The following NCOA1 variants were observed in gnomAD, a reference collection of about 807,000 sequenced individuals.
NCOA1 encodes the protein nuclear receptor coactivator 1.
In NCOA1, 35 loss-of-function variants were observed where a neutral mutation model predicts 150.9. The observed-to-expected ratio is 0.23, with a 90% CI of 0.18 to 0.31. NCOA1 has a LOEUF of 0.31. Among genes scored for constraint, NCOA1 ranks in the 10% least tolerant of loss-of-function variants. The pLI is 1.00. For missense variants in NCOA1, 1,491 were observed against 1,749.3 expected, an observed-to-expected ratio of 0.85 and a Z score of 2.63; for synonymous variants, 590 against 630.0, an observed-to-expected ratio of 0.94 and a Z score of 0.95.
intron 2 of NCOA1, among the ~76,000 whole-genome samples, chr2:24,568,957 T>C (rs1666622138): frequency 6.6e-6 from 1 of 152,238 alleles, no homozygotes; most frequent in African/African-American, 2.4e-5. Context: ...TGTTGTTTTT[T>C]TAAGCCATTA....
chr2:24,683,835 T>C (rs149051609), intron 8 of NCOA1, among the ~76,000 whole-genome samples: 1 of 152,368 alleles, frequency 6.6e-6, no homozygotes, highest in Admixed American at 6.5e-5. Flanking sequence ...GGGGTGTTTT[T>C]CAATAGTCAG....
intron 6 of NCOA1, among the ~76,000 whole-genome samples, chr2:24,669,897 G>T (rs573355540): frequency 6.6e-6 from 1 of 152,192 alleles, no homozygotes; most frequent in Non-Finnish European, 1.5e-5. Context: ...CAGCACTTTG[G>T]GAGGCCAAGG....
chr2:24,649,575 T>C (rs906472566), intron 4 of NCOA1, among the ~76,000 whole-genome samples: 8 of 152,340 alleles, frequency 5.3e-5, no homozygotes, highest in East Asian at 1.9e-4. Flanking sequence ...GCCACAAATA[T>C]GTGATACAAT....
At chr2:24,544,713 TGG>T (rs1363647260) in intron 1 of NCOA1, among the ~76,000 whole-genome samples, 1 of 152,186 alleles carries the variant, frequency 6.6e-6, no homozygotes, top group African/African-American at 2.4e-5. Flanking sequence ...CACTCCTCCC[TGG>T]GTGACAGAAT....
At chr2:24,558,828 C>T (rs1393249337) in intron 1 of NCOA1, among the ~76,000 whole-genome samples, 3 of 152,058 alleles carry the variant, frequency 2.0e-5, no homozygotes, top group Non-Finnish European at 4.4e-5. Context: ...GAGGTGATAC[C>T]TAGAGGTGTG....
chr2:24,491,962 G>T (rs1135342), intron 1 of NCOA1: 61,530 of 151,656 alleles, frequency 0.41, 15,059 homozygotes, highest in Admixed American at 0.59. Context: ...GGGAGCGGGC[G>T]CCCCGGGCCG....
At chr2:24,525,630 T>C (rs1231650777) in intron 1 of NCOA1, among the ~76,000 whole-genome samples, 2 of 151,904 alleles carry the variant, frequency 1.3e-5, no homozygotes, top group African/African-American at 4.8e-5. Context: ...CACTGCGGCC[T>C]CTGCCTCCTG....
intron 1 of NCOA1, among the ~76,000 whole-genome samples, chr2:24,537,520 A>G (rs1289826265): frequency 2.0e-5 from 3 of 151,864 alleles, no homozygotes; most frequent in African/African-American, 7.3e-5. Flanking sequence ...CTCTCTGTAT[A>G]TATATAAAAT....
chr2:24,727,090 A>G (rs1431412114), intron 15 of NCOA1, among the ~76,000 whole-genome samples: 1 of 142,128 alleles, frequency 7.0e-6, no homozygotes, highest in Non-Finnish European at 1.5e-5. Context: ...GTGAGCCAAG[A>G]TTGCGCCATT....
At chr2:24,574,136 G>C (rs567344129) in intron 2 of NCOA1, among the ~76,000 whole-genome samples, 1 of 151,948 alleles carries the variant, frequency 6.6e-6, no homozygotes, top group Admixed American at 6.6e-5. Context: ...GGAAAAGATG[G>C]AAAACCAAAA....
intron 6 of NCOA1, among the ~76,000 whole-genome samples, chr2:24,669,498 C>T (rs977659730): frequency 9.2e-5 from 14 of 152,152 alleles, no homozygotes; most frequent in Non-Finnish European, 1.9e-4. Context: ...TAGGTTTTCC[C>T]TAAAATGTTA....
chr2:24,723,573 A>C (rs900455102), intron 14 of NCOA1, among the ~76,000 whole-genome samples: 4 of 152,164 alleles, frequency 2.6e-5, no homozygotes, highest in African/African-American at 9.6e-5. Flanking sequence ...ACATTGAATT[A>C]TGTACTTTCT....
intron 1 of NCOA1, among the ~76,000 whole-genome samples, chr2:24,542,065 G>A (rs921016550): frequency 6.6e-6 from 1 of 152,284 alleles, no homozygotes; most frequent in South Asian, 2.1e-4. Context: ...TAAAAGACTA[G>A]TTCAATTGAT....
At chr2:24,755,048 C>A (rs1664429635) in intron 20 of NCOA1, among the ~76,000 whole-genome samples, 1 of 152,198 alleles carries the variant, frequency 6.6e-6, no homozygotes, top group African/African-American at 2.4e-5. Flanking sequence ...TAGCGTATAT[C>A]ACCTGGAGAC....
intron 20 of NCOA1, among the ~76,000 whole-genome samples, chr2:24,752,959 T>C (rs544056920): frequency 6.8e-4 from 103 of 152,238 alleles, no homozygotes; most frequent in African/African-American, 2.3e-3. Context: ...AATTTGGTTG[T>C]GTCTTAGTTA....
chr2:24,763,616 C>CTCTTTTTTTT (rs1250283392), intron 22 of NCOA1, among the ~76,000 whole-genome samples: 3 of 85,314 alleles, frequency 3.5e-5, no homozygotes, highest in African/African-American at 1.4e-4. Flanking sequence ...GTCTCTCTCT[C>CTCTTTTTTTT]TTTTTTTTTT....
At chr2:24,587,601 A>G (rs1412343881) in intron 3 of NCOA1, among the ~76,000 whole-genome samples, 1 of 152,172 alleles carries the variant, frequency 6.6e-6, no homozygotes, top group Non-Finnish European at 1.5e-5. Flanking sequence ...GGCCTCTTGT[A>G]TCTCTCTCAA....
intron 2 of NCOA1, among the ~76,000 whole-genome samples, chr2:24,568,227 G>T (rs1447931355): frequency 6.6e-6 from 1 of 152,070 alleles, no homozygotes; most frequent in African/African-American, 2.4e-5. Flanking sequence ...TTGTTTTGGG[G>T]GATAAGAGCA....
chr2:24,551,094 C>CAAAA (rs767086071), intron 1 of NCOA1, among the ~76,000 whole-genome samples: 1 of 69,376 alleles, frequency 1.4e-5, no homozygotes, highest in African/African-American at 5.4e-5. Context: ...GACTTTGTCT[C>CAAAA]AAAAAAAAAA....
Sources: allele counts gnomAD v4.1 joint callset (sites outside exome capture counted in the v4.1 genomes callset), GRCh38; gene constraint gnomAD v4.1.1; transcripts MANE v1.5; gene names NCBI Gene and HGNC (gene_info 2026-07-23, HGNC 2026-07-21).